The following CADPS2 variants were observed in gnomAD, a reference collection of about 807,000 sequenced individuals.
CADPS2 encodes the protein calcium dependent secretion activator 2.
A neutral mutation model predicts 172.5 loss-of-function variants in CADPS2; 93 were observed. The ratio of observed to expected loss-of-function variants is 0.54; its 90% CI spans 0.46 to 0.64. The LOEUF (loss-of-function observed/expected upper bound fraction) is 0.64. Among genes scored for constraint, CADPS2 ranks in the 30% least tolerant of loss-of-function variants. The pLI is 0.00. For synonymous variants in CADPS2, 546 were observed against 555.2 expected, an observed-to-expected ratio of 0.98 and a Z score of 0.23; for missense variants, 1,420 against 1,565.9, an observed-to-expected ratio of 0.91 and a Z score of 1.57.
chr7:122,393,051 C>G, intron 22 of CADPS2, 145 bp downstream of exon 22: 8 of 956,118 alleles, frequency 8.4e-6, no homozygotes, highest in Non-Finnish European at 1.2e-5. Context: ...AGCTTACTAG[C>G]TTAAAAACTC....
intron 8 of CADPS2, among the ~76,000 whole-genome samples, chr7:122,531,574 C>G (rs2061757037): frequency 6.6e-6 from 1 of 152,120 alleles, no homozygotes; most frequent in Admixed American, 6.6e-5. Context: ...TCTAAGAATT[C>G]TAAAACTGGT....
chr7:122,415,746 A>C (rs933061887), intron 18 of CADPS2, among the ~76,000 whole-genome samples: 4 of 152,198 alleles, frequency 2.6e-5, no homozygotes, highest in African/African-American at 9.6e-5. Flanking sequence ...CCCTTCTTCA[A>C]TAACTGATGA....
chr7:122,494,840 T>A (rs942121511), intron 9 of CADPS2, among the ~76,000 whole-genome samples: 30 of 151,996 alleles, frequency 2.0e-4, no homozygotes, highest in African/African-American at 6.3e-4. Context: ...CCCTTGCATA[T>A]GTCTAAGGTT....
chr7:122,573,835 C>T (rs1168230514), intron 7 of CADPS2, among the ~76,000 whole-genome samples: 1 of 152,020 alleles, frequency 6.6e-6, no homozygotes, highest in Non-Finnish European at 1.5e-5. Context: ...AATACTTTAG[C>T]TTAAATAATA....
intron 12 of CADPS2, 133 bp downstream of exon 12, chr7:122,480,719 C>G: frequency 1.7e-6 from 1 of 574,212 alleles, no homozygotes. Context: ...ATCAATAAAG[C>G]TAACTTAAAT....
intron 1 of CADPS2, among the ~76,000 whole-genome samples, chr7:122,747,145 A>G (rs1380843268): frequency 6.6e-6 from 1 of 152,158 alleles, no homozygotes; most frequent in Non-Finnish European, 1.5e-5. Context: ...AGAGTTGAAG[A>G]GAAATAGAAA....
At chr7:122,804,394 G>A (rs1261056796) in intron 1 of CADPS2, among the ~76,000 whole-genome samples, 1 of 151,976 alleles carries the variant, frequency 6.6e-6, no homozygotes, top group African/African-American at 2.4e-5. Flanking sequence ...TTTTCTTTCA[G>A]GAAAATACTC....
intron 2 of CADPS2, chr7:122,697,667 T>C: frequency 2.5e-6 from 2 of 793,788 alleles, no homozygotes; most frequent in Non-Finnish European, 1.9e-6. Flanking sequence ...AAAGAATGTA[T>C]AAAATTACTG....
intron 1 of CADPS2, among the ~76,000 whole-genome samples, chr7:122,877,919 G>A (rs191569658): frequency 5.9e-4 from 90 of 152,222 alleles, no homozygotes; most frequent in African/African-American, 2.1e-3. Context: ...TTGTTCACAC[G>A]GTGAGTGAGT....
At chr7:122,877,789 C>G (rs978429170) in intron 1 of CADPS2, among the ~76,000 whole-genome samples, 1 of 152,002 alleles carries the variant, frequency 6.6e-6, no homozygotes, top group Non-Finnish European at 1.5e-5. Flanking sequence ...GAAACGATAG[C>G]GTCTAATCAG....
At chr7:122,500,123 T>A (rs952325807) in intron 9 of CADPS2, among the ~76,000 whole-genome samples, 18 of 152,176 alleles carry the variant, frequency 1.2e-4, no homozygotes, top group African/African-American at 3.6e-4. Flanking sequence ...CAGAAAAATA[T>A]CACCTTTATG....
chr7:122,378,891 T>C (rs17132789), intron 25 of CADPS2: 10,115 of 154,202 alleles, frequency 0.066, 600 homozygotes, highest in East Asian at 0.21. Context: ...ATCGCTTTCA[T>C]CAAAGGTATT....
At chr7:122,515,534 C>A (rs1317807714) in intron 8 of CADPS2, among the ~76,000 whole-genome samples, 1 of 152,142 alleles carries the variant, frequency 6.6e-6, no homozygotes, top group Non-Finnish European at 1.5e-5. Flanking sequence ...CACCAAATAG[C>A]TGGCTTGGAG....
rs567585449 is a variant in CADPS2, at chr7:122,840,400, C to T, written c.339+45599G>A. 2.6e-5 allele frequency among the ~76,000 whole-genome samples: 4 copies of T among 151,774 alleles called. No homozygotes were observed. In the South Asian group the frequency reaches 6.3e-4, roughly 24 times the overall value. ...ATATGTAACAAACCTGCACGTTTTG[C>T]ACATGTACCCTAGAACTTAAAGTAT... On this transcript the variant is annotated intron_variant, in intron 1 of 29. Transcript: ENST00000449022.
At chr7:122,326,360 A>G (rs2033866464) in intron 28 of CADPS2, among the ~76,000 whole-genome samples, 1 of 152,010 alleles carries the variant, frequency 6.6e-6, no homozygotes, top group Admixed American at 6.6e-5. Context: ...CTTTAATGCA[A>G]TTTTCTGCTC....
At chr7:122,471,967 AG>A (rs1342064965) in intron 13 of CADPS2, among the ~76,000 whole-genome samples, 1 of 152,230 alleles carries the variant, frequency 6.6e-6, no homozygotes, top group Non-Finnish European at 1.5e-5. Flanking sequence ...GTGAACTAAA[AG>A]AAAATGTCAT....
At chr7:122,797,166 T>C (rs1796562446) in intron 1 of CADPS2, among the ~76,000 whole-genome samples, 1 of 152,088 alleles carries the variant, frequency 6.6e-6, no homozygotes, top group African/African-American at 2.4e-5. Flanking sequence ...TCATCTTATA[T>C]CAGTCAAATG....
rs1247289015 is a variant in CADPS2 at position 122,820,555 on chromosome 7, T to C, written c.339+65444A>G. 2.5e-5 allele frequency among the ~76,000 whole-genome samples: 3 copies of C among 118,744 alleles called. 1 individual carries two copies. Among genetic ancestry groups the C allele is most frequent in the African/African-American group, 1.1e-4 (3 of 26,216 alleles). The allele number at this position is 118,744 out of a possible 152,430, so 77.9% of individuals were successfully genotyped here. On this transcript the variant is annotated intron_variant, in intron 1 of 29. Coordinates refer to ENST00000449022, the MANE Select transcript of CADPS2 (RefSeq NM_017954.11). ...CTTGACCTTACTGTTTTTTGTTTTT[T>C]GTTTTTTTTTTTTTTTTTTTTTGAG...
intron 1 of CADPS2, among the ~76,000 whole-genome samples, chr7:122,753,806 T>A (rs556966998): frequency 6.6e-6 from 1 of 152,132 alleles, no homozygotes; most frequent in East Asian, 1.9e-4. Context: ...CATACACACT[T>A]ACTCCCCTAC....
Sources: allele counts gnomAD v4.1 joint callset (sites outside exome capture counted in the v4.1 genomes callset), GRCh38; gene constraint gnomAD v4.1.1; transcripts MANE v1.5; gene names NCBI Gene and HGNC (gene_info 2026-07-23, HGNC 2026-07-21).